Variants in PRKN observed in about 807,000 individuals in gnomAD.
The protein encoded by PRKN is E3 ubiquitin-protein ligase parkin.
A neutral mutation model predicts 59.5 loss-of-function variants in PRKN; 56 were observed. The observed-to-expected ratio is 0.94, with a 90% CI of 0.76 to 1.18. PRKN has a LOEUF of 1.18. PRKN is among the 50% of genes most tolerant of loss of function. The probability of loss-of-function intolerance (pLI) is 0.00; values close to 1 mark genes in which losing one functional copy is unlikely to be tolerated. For synonymous variants in PRKN, 250 were observed against 222.1 expected (o/e 1.13, Z -1.12); for missense variants, 657 against 596.4 (o/e 1.10, Z -1.06).
At chr6:161,500,727 C>A (rs1777928137) in intron 9 of PRKN, among the ~76,000 whole-genome samples, 1 of 152,082 alleles carries the variant, frequency 6.6e-6, no homozygotes, top group Non-Finnish European at 1.5e-5. Flanking sequence ...GGTTGCTTCC[C>A]AGATTTGTCA....
chr6:161,534,179 C>T (rs1418961142), intron 9 of PRKN, among the ~76,000 whole-genome samples: 3 of 152,130 alleles, frequency 2.0e-5, no homozygotes, highest in Non-Finnish European at 4.4e-5. Context: ...TCCTCTCCGT[C>T]GGCTAATCAT....
At chr6:162,421,446 T>C (rs1320914846) in intron 2 of PRKN, among the ~76,000 whole-genome samples, 1 of 152,218 alleles carries the variant, frequency 6.6e-6, no homozygotes. Flanking sequence ...GACTTTCAAC[T>C]TTCCCTTTGA....
chr6:162,348,040 G>T (rs1475536716), intron 2 of PRKN, among the ~76,000 whole-genome samples: 3 of 152,166 alleles, frequency 2.0e-5, no homozygotes, highest in East Asian at 3.9e-4. Context: ...GAGACAGAGT[G>T]TCAGAGATCT....
chr6:162,339,693 G>C (rs1784071304), intron 2 of PRKN, among the ~76,000 whole-genome samples: 1 of 152,188 alleles, frequency 6.6e-6, no homozygotes, highest in Non-Finnish European at 1.5e-5. Context: ...TTGTGGAATA[G>C]AAAGGGGGGA....
In PRKN at chr6:161,347,619, G is replaced by GC. The variant is rs1784384386; in HGVS notation, c.*2479_*2480insG. ...TGGATGATCTTGCTTTTTTGTTTTT[G>GC]TTTTTTTTTTTTTTTTGAGACAGAG... On this transcript the variant is annotated 3_prime_UTR_variant, in exon 12 of 12. Transcript: ENST00000366898. The GC allele has an allele frequency of 9.0e-6, 1 of 111,114 alleles. No individual in the cohort carries two copies. Among genetic ancestry groups the GC allele is most frequent in the South Asian group, 3.2e-4 (1 of 3,084 alleles). The allele number at this position is 111,114 out of a possible 1,614,324, so 6.9% of individuals were successfully genotyped here.
chr6:162,588,244 C>A (rs1344741499), intron 1 of PRKN, among the ~76,000 whole-genome samples: 1 of 151,930 alleles, frequency 6.6e-6, no homozygotes, highest in Non-Finnish European at 1.5e-5. Context: ...CTCCTGACCT[C>A]AAGTGATCTG....
At chr6:161,729,788 G>T (rs990365177) in intron 7 of PRKN, among the ~76,000 whole-genome samples, 10 of 152,140 alleles carry the variant, frequency 6.6e-5, no homozygotes, top group Non-Finnish European at 1.0e-4. Flanking sequence ...GTTGCATTCT[G>T]ACATGCTGCA....
intron 6 of PRKN, among the ~76,000 whole-genome samples, chr6:161,950,002 C>T (rs1779928100): frequency 6.6e-6 from 1 of 152,200 alleles, no homozygotes; most frequent in Non-Finnish European, 1.5e-5. Flanking sequence ...GAAACAGTTA[C>T]AGGTAACTAA....
At chr6:161,477,808 C>T (rs1055215577) in intron 9 of PRKN, among the ~76,000 whole-genome samples, 4 of 152,128 alleles carry the variant, frequency 2.6e-5, no homozygotes, top group Non-Finnish European at 4.4e-5. Flanking sequence ...ATATTGAAGA[C>T]GGCTCATGCA....
chr6:162,687,076 T>C (rs1170303503), intron 1 of PRKN, among the ~76,000 whole-genome samples: 1 of 152,066 alleles, frequency 6.6e-6, no homozygotes, highest in Non-Finnish European at 1.5e-5. Flanking sequence ...AAAAATGATG[T>C]TGGTATTTTG....
At position 161,391,014 on chromosome 6, in the gene PRKN, T is replaced by C. The variant is rs776737071; in HGVS notation, c.1084-4137A>G. ...TGGGGAACAGAATTCTGGGGAACTCTGGGTTAGGCAGATACAAAACTCCTT... is the reference window on the plus strand; with the variant it reads ...TGGGGAACAGAATTCTGGGGAACTCCGGGTTAGGCAGATACAAAACTCCTT... On this transcript the variant is annotated intron_variant, in intron 9 of 11. Transcript: ENST00000366898. This position sits in a 1 kb window ranked among gnomAD's most constrained non-coding sequence, Gnocchi z 4.9. 3.9e-5 allele frequency among the ~76,000 whole-genome samples: 6 copies of C among 152,106 alleles called. No homozygotes were observed. The highest frequency in any genetic ancestry group is 7.3e-5 in the Non-Finnish European group (5 of 68,030).
At chr6:162,325,945 C>T (rs1212959222) in intron 2 of PRKN, among the ~76,000 whole-genome samples, 1 of 152,136 alleles carries the variant, frequency 6.6e-6, no homozygotes, top group Non-Finnish European at 1.5e-5. Flanking sequence ...CATCCGTGGT[C>T]ATGTCTAATG....
At chr6:162,245,681 C>A (rs1012238256) in intron 3 of PRKN, among the ~76,000 whole-genome samples, 2 of 152,110 alleles carry the variant, frequency 1.3e-5, no homozygotes, top group Admixed American at 1.3e-4. Context: ...TTGAAATCTG[C>A]AACCGGGGTT....
chr6:161,590,503 C>A (rs965203749), intron 7 of PRKN, among the ~76,000 whole-genome samples: 1 of 151,908 alleles, frequency 6.6e-6, no homozygotes, highest in Non-Finnish European at 1.5e-5. Flanking sequence ...GAGGCTGAGG[C>A]GGGCCGATCA....
intron 4 of PRKN, among the ~76,000 whole-genome samples, chr6:162,102,494 T>A (rs1403280463): frequency 1.3e-5 from 2 of 152,224 alleles, no homozygotes; most frequent in African/African-American, 2.4e-5. Context: ...AAAAGATAAG[T>A]AAAGCGCTCA....
chr6:162,116,324 A>G lies in PRKN; in HGVS notation c.535-62150T>C, dbSNP rs139559467. On this transcript the variant is annotated intron_variant, in intron 4 of 11. Transcript: ENST00000366898. ...GCAATCCATTGATCACAACATGCAA[A>G]CAATTCCTACTTGAGTGTCCCACTG... 1.1e-3 allele frequency among the ~76,000 whole-genome samples: 175 copies of G among 152,320 alleles called. 1 individual carries two copies. The highest frequency in any genetic ancestry group is 3.8e-3 in the African/African-American group (158 of 41,582).
At chr6:162,375,103 T>C (rs953018436) in intron 2 of PRKN, among the ~76,000 whole-genome samples, 1 of 152,150 alleles carries the variant, frequency 6.6e-6, no homozygotes, top group African/African-American at 2.4e-5. Context: ...GAATTTCTTA[T>C]GGAGTCTATT....
intron 3 of PRKN, among the ~76,000 whole-genome samples, chr6:162,213,804 TACACACACACACAC>T (rs58192789): frequency 0.077 from 9,809 of 126,574 alleles, 550 homozygotes; most frequent in African/African-American, 0.16. Context: ...AAAAAAACCA[TACACACACACACAC>T]ACACACACAC....
At chr6:162,008,687 T>A (rs765973670) in intron 5 of PRKN, among the ~76,000 whole-genome samples, 1 of 152,064 alleles carries the variant, frequency 6.6e-6, no homozygotes, top group African/African-American at 2.4e-5. Context: ...TAAAAGGAAA[T>A]AGACCATGAG....
Sources: allele counts gnomAD v4.1 joint callset (sites outside exome capture counted in the v4.1 genomes callset), GRCh38; gene constraint gnomAD v4.1.1; non-coding constraint Gnocchi (gnomAD v3.1); transcripts MANE v1.5; gene names NCBI Gene and HGNC (gene_info 2026-07-23, HGNC 2026-07-21).